Variants in DGKZ observed in about 807,000 individuals in gnomAD.
The protein encoded by DGKZ is diacylglycerol kinase zeta.
In DGKZ, 45 loss-of-function variants were observed where a neutral mutation model predicts 142.5. That is an observed-to-expected ratio of 0.32 (90% CI 0.25 to 0.40). The LOEUF (loss-of-function observed/expected upper bound fraction) is 0.40. DGKZ is among the 10% of genes least tolerant of loss of function. The pLI is 1.00. For synonymous variants in DGKZ, 442 were observed against 527.0 expected (o/e 0.84, Z 2.21); for missense variants, 755 against 1,306.5 (o/e 0.58, Z 6.51).
chr11:46,334,791 C>A (rs961459901), intron 1 of DGKZ, among the ~76,000 whole-genome samples: 1 of 152,140 alleles, frequency 6.6e-6, no homozygotes, highest in African/African-American at 2.4e-5. Context: ...TATGAATGTC[C>A]CCCTGGGGCA....
Position 46,350,011 on chromosome 11 carries a change from C to G in DGKZ, c.161+2191C>G, listed in dbSNP as rs180727179. ...GTTTGAGAAGCACAGTAGTCCGTCA[C>G]GCTGGGGAGTGTAAGTGCTCTTATA... On this transcript the variant is annotated intron_variant, in intron 1 of 30. Transcript: ENST00000527911. Among the ~76,000 whole-genome samples, 3 of 152,144 alleles carry G rather than the reference C, an allele frequency of 2.0e-5. No individual in the cohort carries two copies. The South Asian group carries it at 6.2e-4, about 32-fold the overall frequency.
intron 1 of DGKZ, chr11:46,365,871 G>A (rs1943188259): frequency 4.1e-6 from 4 of 985,410 alleles, no homozygotes; most frequent in Non-Finnish European, 4.8e-6. Flanking sequence ...CTTCCGGCAG[G>A]GCAGGTGGAG....
upstream of DGKZ, among the ~76,000 whole-genome samples, chr11:46,344,454 T>TC (rs1286306685): frequency 6.7e-5 from 10 of 149,986 alleles, no homozygotes; most frequent in Non-Finnish European, 1.5e-4. Context: ...GAGCTCAATT[T>TC]TTTTTTTTTT....
intron 1 of DGKZ, among the ~76,000 whole-genome samples, chr11:46,350,525 C>T (rs959520981): frequency 6.9e-5 from 10 of 144,082 alleles, no homozygotes; most frequent in Non-Finnish European, 1.4e-4. Flanking sequence ...CACATACACA[C>T]ATCCAGCCTT....
intron 4 of DGKZ, 123 bp downstream of exon 4, chr11:46,368,202 A>C (rs1212077814): frequency 9.9e-7 from 1 of 1,009,476 alleles, no homozygotes; most frequent in Non-Finnish European, 1.5e-6. Context: ...TCGGGGGTGA[A>C]GAGTCAAGGA....
intron 9 of DGKZ, 134 bp downstream of exon 9, chr11:46,371,909 G>A (rs1011381607): frequency 4.5e-5 from 57 of 1,268,792 alleles, no homozygotes; most frequent in Admixed American, 3.2e-4. Flanking sequence ...CTCTGAGGAA[G>A]GCAGGATTAG....
chr11:46,336,327 G>A (rs903386116), intron 1 of DGKZ, among the ~76,000 whole-genome samples: 3 of 152,218 alleles, frequency 2.0e-5, no homozygotes, highest in Non-Finnish European at 4.4e-5. Context: ...TGGAAAGGCA[G>A]GGGAGGGGGG....
chr11:46,345,448 C>T, upstream of DGKZ: 2 of 1,469,882 alleles, frequency 1.4e-6, no homozygotes, highest in Non-Finnish European at 1.8e-6. The surrounding 1 kb of genome is among the most constrained non-coding windows in gnomAD (Gnocchi z 4.1). Flanking sequence ...CCGGGGGAAG[C>T]TGCAATGAAT....
intron 4 of DGKZ, chr11:46,369,124 C>T (rs948270134): frequency 3.5e-5 from 11 of 318,352 alleles, no homozygotes; most frequent in African/African-American, 6.6e-5. Context: ...TGCAGTGAGC[C>T]GAGATCGCAC....
chr11:46,377,100 G>T (rs1314032389), exon 25 of DGKZ: 3 of 1,613,402 alleles, frequency 1.9e-6, no homozygotes, highest in South Asian at 1.1e-5. Flanking sequence ...GACTGAGATC[G>T]CACAGGATGA....
intron 1 of DGKZ, among the ~76,000 whole-genome samples, chr11:46,353,718 G>T (rs1239242180): frequency 6.6e-6 from 1 of 152,162 alleles, no homozygotes; most frequent in Non-Finnish European, 1.5e-5. Context: ...CATGGTGAGA[G>T]GTCTGAGAGG....
chr11:46,366,345 C>A, intron 1 of DGKZ: 3 of 1,548,422 alleles, frequency 1.9e-6, no homozygotes, highest in Non-Finnish European at 2.6e-6. Flanking sequence ...GGGCTGCCCA[C>A]AGGCAAGGCC....
chr11:46,375,127 C>A, intron 19 of DGKZ, 82 bp downstream of exon 19: 1 of 1,317,932 alleles, frequency 7.6e-7, no homozygotes, highest in Non-Finnish European at 1.0e-6. Flanking sequence ...CCATGGGCCA[C>A]GGCGGCCTAG....
intron 6 of DGKZ, among the ~76,000 whole-genome samples, 155 bp from the exon 7 acceptor site, chr11:46,371,158 G>C (rs182292853): frequency 4.9e-4 from 75 of 152,308 alleles, no homozygotes; most frequent in African/African-American, 1.6e-3. Flanking sequence ...TACTTGGGGG[G>C]GCTGAGGCAG....
intron 1 of DGKZ, chr11:46,366,948 A>T (rs1297817204): frequency 6.5e-7 from 1 of 1,538,084 alleles, no homozygotes; most frequent in East Asian, 2.4e-5. Flanking sequence ...CTACGGCGCA[A>T]GGCGGCCGGA....
chr11:46,339,346 CAGGGGCAG>C, intron 1 of DGKZ, among the ~76,000 whole-genome samples: 1 of 152,338 alleles, frequency 6.6e-6, no homozygotes, highest in South Asian at 2.1e-4. Context: ...AATGCAAAAC[CAGGGGCAG>C]AGAGCTGAGC....
In DGKZ at chr11:46,372,864, C is replaced by T; in HGVS notation, c.1165C>T (p.Arg389Ter). 4.4e-6 allele frequency: 7 copies of T among 1,590,222 alleles called. No individual in the cohort carries two copies. Among genetic ancestry groups the T allele is most frequent in the Non-Finnish European group, 6.0e-6 (7 of 1,168,028 alleles). The change falls in exon 13 of 31, where the codon CGA becomes TGA. Residue 389 changes from arginine to a stop codon, truncating the protein, a stop_gained. Transcript: ENST00000527911. LOFTEE classifies it high-confidence loss of function. The surrounding 1 kb of genome is among the most constrained non-coding windows in gnomAD (Gnocchi z 5.9). ...CCTGGGTACTGGCAACGACTTGGCC[C>T]GAACCCTCAACTGGGGTGGGGTAAG...
intron 1 of DGKZ, among the ~76,000 whole-genome samples, chr11:46,362,753 C>T (rs1213115402): frequency 6.6e-6 from 1 of 152,180 alleles, no homozygotes; most frequent in Non-Finnish European, 1.5e-5. Context: ...GGGTGGGTGT[C>T]CTGTCCGCTC....
At chr11:46,379,365 T>C in intron 29 of DGKZ, 104 bp from the exon 30 acceptor site, 1 of 1,566,208 alleles carries the variant, frequency 6.4e-7, no homozygotes, top group East Asian at 2.2e-5. Context: ...CCACCCCTAT[T>C]GCCCCAGAGC....
Sources: allele counts gnomAD v4.1 joint callset (sites outside exome capture counted in the v4.1 genomes callset), GRCh38; gene constraint gnomAD v4.1.1; non-coding constraint Gnocchi (gnomAD v3.1); transcripts MANE v1.5; gene names NCBI Gene and HGNC (gene_info 2026-07-23, HGNC 2026-07-21).